Variants in SEMA5B observed in about 807,000 individuals in gnomAD.
SEMA5B encodes semaphorin-5B.
Under a neutral mutation model 135.0 loss-of-function variants are expected in SEMA5B, and 66 were observed. That is an observed-to-expected ratio of 0.49 (90% CI 0.40 to 0.60). The LOEUF (loss-of-function observed/expected upper bound fraction) is 0.60, where lower values mean the gene tolerates loss of function less well. Among genes scored for constraint, SEMA5B ranks in the 20% least tolerant of loss-of-function variants. SEMA5B has a pLI of 0.00. For synonymous variants in SEMA5B, 690 were observed against 639.5 expected (o/e 1.08, Z -1.19); for missense variants, 1,501 against 1,566.3 (o/e 0.96, Z 0.70).
At chr3:123,009,047 T>TTTTCAACGTACAGAAGGCA (rs1477507404) in intron 1 of SEMA5B, among the ~76,000 whole-genome samples, 6 of 152,102 alleles carry the variant, frequency 3.9e-5, no homozygotes, top group Non-Finnish European at 5.9e-5. Context: ...TGCCACCCAG[T>TTTTCAACGTACAGAAGGCA]TTTCAACGAG....
rs1336683161 is a variant in SEMA5B at position 122,913,189 on chromosome 3, C to A, written c.2506+10G>T. The A allele has an allele frequency of 1.3e-6, 2 of 1,551,604 alleles. No individual in the cohort carries two copies. The highest frequency in any genetic ancestry group is 1.4e-5 in the African/African-American group (1 of 71,818). On this transcript the variant is annotated intron_variant, in intron 17 of 22. Transcript: ENST00000357599. ...GAGAGAGGAAGGAGGGGGCGCCGGG[C>A]GCGGGGTACCGTCGGTGTCGCAGGA...
chr3:122,956,821 G>A (rs535813111), intron 2 of SEMA5B, among the ~76,000 whole-genome samples: 1 of 152,312 alleles, frequency 6.6e-6, no homozygotes, highest in East Asian at 1.9e-4. Context: ...GCGGGAAGCA[G>A]CTGATGTGAG....
intron 1 of SEMA5B, among the ~76,000 whole-genome samples, chr3:123,013,119 G>C (rs929955145): frequency 6.6e-6 from 1 of 152,250 alleles, no homozygotes; most frequent in African/African-American, 2.4e-5. Context: ...AGACACAGGA[G>C]AGAGTTGGGA....
rs761220922 is a variant in SEMA5B, at chr3:122,923,731, A to G, written c.1158T>C (p.Ala386=). The G allele has an allele frequency of 6.2e-7, 1 of 1,614,176 alleles. No homozygotes were observed. The highest frequency in any genetic ancestry group is 1.3e-5 in the African/African-American group (1 of 75,028). The change falls in exon 10 of 23, where the codon GCT becomes GCC. Residue 386 remains alanine, a synonymous_variant. Coordinates refer to ENST00000357599, the MANE Select transcript of SEMA5B (RefSeq NM_001031702.4). ...TTNVNSIAAS[A]VCAFNLSAIS... Reference sequence around the variant, plus strand: ...TAGCACTGAGGTTGAAGGCGCAGACAGCAGAAGCCGCGATGCTGTTTCTGA... The same window carrying G: ...TAGCACTGAGGTTGAAGGCGCAGACGGCAGAAGCCGCGATGCTGTTTCTGA...
At chr3:122,980,193 G>GT (rs1327798865) in intron 1 of SEMA5B, among the ~76,000 whole-genome samples, 1 of 152,208 alleles carries the variant, frequency 6.6e-6, no homozygotes, top group Non-Finnish European at 1.5e-5. Context: ...GGGCATGGTG[G>GT]CTCACGCCTG....
At chr3:123,010,785 G>A (rs1942420877) in intron 1 of SEMA5B, among the ~76,000 whole-genome samples, 1 of 143,738 alleles carries the variant, frequency 7.0e-6, no homozygotes, top group Non-Finnish European at 1.5e-5. Context: ...ACTCTGGCCT[G>A]GTGACAGAGT....
At chr3:122,979,915 C>T (rs1044053903) in intron 1 of SEMA5B, among the ~76,000 whole-genome samples, 5 of 152,198 alleles carry the variant, frequency 3.3e-5, no homozygotes, top group Non-Finnish European at 5.9e-5. Context: ...TTATTTTCCC[C>T]TAAATGTGTG....
At chr3:123,002,176 G>A (rs1474976591) in intron 1 of SEMA5B, among the ~76,000 whole-genome samples, 2 of 152,228 alleles carry the variant, frequency 1.3e-5, no homozygotes, top group Non-Finnish European at 2.9e-5. Context: ...CAAGGGAAGA[G>A]GAGTCTGGAG....
intron 1 of SEMA5B, among the ~76,000 whole-genome samples, chr3:122,970,278 A>G (rs1188320786): frequency 6.6e-6 from 1 of 152,224 alleles, no homozygotes; most frequent in Non-Finnish European, 1.5e-5. Context: ...AAACACATCT[A>G]TGAAAGAATT....
At chr3:123,011,570 G>A (rs1392202187) in intron 1 of SEMA5B, among the ~76,000 whole-genome samples, 1 of 152,212 alleles carries the variant, frequency 6.6e-6, no homozygotes, top group Non-Finnish European at 1.5e-5. Context: ...CTCTGCCCCT[G>A]GGCCTCTGTG....
At chr3:122,999,701 G>A (rs1206287311) in intron 1 of SEMA5B, among the ~76,000 whole-genome samples, 5 of 152,142 alleles carry the variant, frequency 3.3e-5, no homozygotes, top group Admixed American at 6.5e-5. Flanking sequence ...CAGGACCAAT[G>A]GAGCGGGAGG....
intron 1 of SEMA5B, among the ~76,000 whole-genome samples, chr3:123,026,485 T>G (rs1478636077): frequency 2.0e-5 from 3 of 152,090 alleles, no homozygotes; most frequent in Admixed American, 6.5e-5. Context: ...AGAACGGCGC[T>G]GCAGGTGATC....
chr3:122,948,934 T>C (rs1292363979), intron 2 of SEMA5B, among the ~76,000 whole-genome samples: 7 of 152,246 alleles, frequency 4.6e-5, no homozygotes, highest in Admixed American at 2.0e-4. Context: ...CAAATTATAG[T>C]GCCTTTTCTA....
chr3:122,939,429 A>G lies in SEMA5B; in HGVS notation c.470T>C (p.Leu157Pro). ...FRLSLANVSL[L>P]QATEWASSED... Reference sequence around the variant, plus strand: ...AAGGGAAGAAAGCAATCGTACCTGAAGAAGAGAGACATTGGCAAGGCTGAG... The same window carrying G: ...AAGGGAAGAAAGCAATCGTACCTGAGGAAGAGAGACATTGGCAAGGCTGAG... The change falls in exon 5 of 23, where the codon CTT becomes CCT. Residue 157 changes from leucine (L) to proline (P), a missense_variant. Physicochemically the swap from Leu to Pro is moderately conservative, Grantham distance 98. Transcript: ENST00000357599. 1 of 1,610,824 alleles carries G rather than the reference A, an allele frequency of 6.2e-7. No homozygotes were observed. The highest frequency in any genetic ancestry group is 8.5e-7 in the Non-Finnish European group (1 of 1,176,910).
intron 1 of SEMA5B, among the ~76,000 whole-genome samples, chr3:123,021,551 CAG>C (rs1942676674): frequency 6.6e-6 from 1 of 152,168 alleles, no homozygotes; most frequent in Non-Finnish European, 1.5e-5. Context: ...GTATTCCTAA[CAG>C]GGGGGCTCTT....
chr3:122,952,834 G>GA (rs1431798345), intron 2 of SEMA5B, among the ~76,000 whole-genome samples: 10 of 152,166 alleles, frequency 6.6e-5, no homozygotes, highest in Non-Finnish European at 1.5e-4. Context: ...AGTGAGCACA[G>GA]CTGCATCCCT....
intron 1 of SEMA5B, among the ~76,000 whole-genome samples, chr3:122,963,850 C>T (rs535349385): frequency 6.6e-6 from 1 of 152,276 alleles, no homozygotes; most frequent in South Asian, 2.1e-4. Context: ...TCAGTTGGCC[C>T]TAACTTTTCT....
At chr3:122,995,433 C>T (rs1942001783) in intron 1 of SEMA5B, among the ~76,000 whole-genome samples, 1 of 152,218 alleles carries the variant, frequency 6.6e-6, no homozygotes, top group Non-Finnish European at 1.5e-5. Context: ...AGGGTGGCCA[C>T]ACCCTGCCAC....
In SEMA5B at chr3:122,913,239, C is replaced by T. The variant is rs375518868; in HGVS notation, c.2466G>A (p.Arg822=). The change falls in exon 17 of 23, where the codon AGG becomes AGA. Residue 822 remains arginine, a synonymous_variant. Coordinates refer to ENST00000357599, the MANE Select transcript of SEMA5B (RefSeq NM_001031702.4). ...AGCCGGAGCCGTCCGCGGGACAGGT[C>T]CTCGTCTCGGTCCTTCTCCTGCCGA... The part of the protein sequence containing the change: ...LQFGRRRTET[R]TCPADGSGSC... 1.3e-6 allele frequency: 2 copies of T among 1,585,904 alleles called. No homozygotes were observed. The highest frequency in any genetic ancestry group is 1.7e-6 in the Non-Finnish European group (2 of 1,174,878).
Sources: gnomAD v4.1 joint callset for allele counts (sites outside exome capture counted in the v4.1 genomes callset) on GRCh38, gnomAD v4.1.1 for gene constraint, MANE v1.5 for transcripts, NCBI Gene and HGNC (gene_info 2026-07-23, HGNC 2026-07-21) for gene names.